Variants in TSPAN33 observed in about 807,000 individuals in gnomAD.
The protein encoded by TSPAN33 is tetraspanin 33, also known as tetraspanin-33.
In TSPAN33, 27 loss-of-function variants were observed where a neutral mutation model predicts 34.8. The ratio of observed to expected loss-of-function variants is 0.78; its 90% CI spans 0.57 to 1.07. TSPAN33 has a LOEUF of 1.07. TSPAN33 is among the 50% of genes least tolerant of loss of function. The probability of loss-of-function intolerance (pLI) is 0.00; values close to 1 mark genes in which losing one functional copy is unlikely to be tolerated. For missense variants in TSPAN33, 272 were observed against 324.9 expected (o/e 0.84, Z 1.25); for synonymous variants, 119 against 124.2 (o/e 0.96, Z 0.28).
chr7:129,164,728 A>G, intron 5 of TSPAN33, 159 bp downstream of exon 5: 1 of 636,380 alleles, frequency 1.6e-6, no homozygotes, highest in Non-Finnish European at 2.8e-6. Flanking sequence ...AGTGCTTTAA[A>G]TGTACTTTTA....
Position 129,167,293 on chromosome 7 carries a change from CT to C in TSPAN33, c.589-105del. 7.4e-7 allele frequency: 1 copy of C among 1,349,914 alleles called. No homozygotes were observed. Among genetic ancestry groups the C allele is most frequent in the South Asian group, 1.4e-5 (1 of 71,818 alleles). 83.6% of individuals were successfully genotyped at this position (1,349,914 alleles called of 1,614,324 possible). ...ACCCAATATCCTCCACATATATTCT[CT>C]GACAATTTAGGAGTTTGGGAAGGGT... On this transcript the variant is annotated intron_variant, in intron 6 of 7. Coordinates refer to ENST00000486685, the MANE Select transcript of TSPAN33 (RefSeq NM_178562.5). This position sits in a 1 kb window ranked among gnomAD's most constrained non-coding sequence, Gnocchi z 4.6.
chr7:129,166,678 G>C, intron 5 of TSPAN33, 100 bp from the exon 6 acceptor site: 1 of 1,474,436 alleles, frequency 6.8e-7, no homozygotes, highest in African/African-American at 1.4e-5. Context: ...AAAGTTCCCA[G>C]TAGAAGCTTG....
At chr7:129,147,569 A>T (rs529337668) in intron 1 of TSPAN33, among the ~76,000 whole-genome samples, 1 of 152,138 alleles carries the variant, frequency 6.6e-6, no homozygotes, top group South Asian at 2.1e-4. Flanking sequence ...ACTGGTTCCC[A>T]TGCTTTCTTT....
intron 1 of TSPAN33, among the ~76,000 whole-genome samples, chr7:129,150,587 A>G (rs1810580144): frequency 6.6e-6 from 1 of 152,212 alleles, no homozygotes; most frequent in African/African-American, 2.4e-5. Context: ...CTCACTAGCC[A>G]TGTGAACTGA....
chr7:129,168,018 C>G lies in TSPAN33; in HGVS notation c.*144C>G, dbSNP rs1793170792. The G allele has an allele frequency of 4.1e-6, 6 of 1,462,568 alleles. No homozygotes were observed. Among genetic ancestry groups the G allele is most frequent in the Non-Finnish European group, 5.4e-6 (6 of 1,109,696 alleles). 90.6% of individuals were successfully genotyped at this position (1,462,568 alleles called of 1,614,324 possible). A position where few individuals can be genotyped will look rare whatever the true frequency, so the allele number is the denominator to read the frequency against. ...TGGGAAGAAGCAAACTCCAGATGGG[C>G]AGAAGGCAGGGTGCACAGGTGGCTC... On this transcript the variant is annotated 3_prime_UTR_variant, in exon 8 of 8. Coordinates refer to ENST00000486685, the MANE Select transcript of TSPAN33 (RefSeq NM_178562.5).
At chr7:129,149,975 C>A (rs1563135630) in intron 1 of TSPAN33, among the ~76,000 whole-genome samples, 1 of 152,208 alleles carries the variant, frequency 6.6e-6, no homozygotes, top group Non-Finnish European at 1.5e-5. Flanking sequence ...TTGGCTTCAT[C>A]CAGATATAAG....
At chr7:129,150,700 C>T (rs910146843) in intron 1 of TSPAN33, among the ~76,000 whole-genome samples, 2 of 152,168 alleles carry the variant, frequency 1.3e-5, no homozygotes, top group African/African-American at 4.8e-5. Flanking sequence ...TTTAGCCCAG[C>T]GCCTGGTCCT....
intron 1 of TSPAN33, among the ~76,000 whole-genome samples, chr7:129,145,999 G>A (rs73723924): frequency 0.091 from 13,765 of 151,794 alleles, 1,238 homozygotes; most frequent in East Asian, 0.27. Context: ...AGAGAGTCCT[G>A]GAGGTCCTGG....
chr7:129,168,144 G>A lies in TSPAN33; in HGVS notation c.*270G>A. The stretch of plus-strand genomic sequence containing the variant: ...TGGGTTTATGTTTTCAGTTTTGTTT[G>A]GGAAACAGCAGTTGCACAGAGAGTT... On this transcript the variant is annotated 3_prime_UTR_variant, in exon 8 of 8. Coordinates refer to ENST00000486685, the MANE Select transcript of TSPAN33 (RefSeq NM_178562.5). The A allele has an allele frequency of 2.0e-6, 1 of 499,342 alleles. No individual in the cohort carries two copies. The highest frequency in any genetic ancestry group is 3.3e-6 in the Non-Finnish European group (1 of 305,174). 30.9% of individuals were successfully genotyped at this position (499,342 alleles called of 1,614,324 possible).
intron 1 of TSPAN33, among the ~76,000 whole-genome samples, 159 bp downstream of exon 1, chr7:129,145,241 G>A (rs1810504068): frequency 6.6e-6 from 1 of 152,034 alleles, no homozygotes; most frequent in South Asian, 2.1e-4. Flanking sequence ...CGGGGACGCC[G>A]CGTCTGCAGG....
At chr7:129,161,060 G>C (rs890605164) in intron 1 of TSPAN33, among the ~76,000 whole-genome samples, 1 of 152,184 alleles carries the variant, frequency 6.6e-6, no homozygotes, top group Non-Finnish European at 1.5e-5. Context: ...TCTGAAGACT[G>C]TGTCCTTTTT....
At position 129,162,648 on chromosome 7, in the gene TSPAN33, A is replaced by C. The variant is rs554401649; in HGVS notation, c.288+127A>C. Reference sequence around the variant, plus strand: ...GCCTGTGCTGTCCACCCCTCAGTGCAGAGCTTAGCCCGGGTGACCCAGCAC... The same window carrying C: ...GCCTGTGCTGTCCACCCCTCAGTGCCGAGCTTAGCCCGGGTGACCCAGCAC... On this transcript the variant is annotated intron_variant, in intron 3 of 7. Coordinates refer to ENST00000486685, the MANE Select transcript of TSPAN33 (RefSeq NM_178562.5). 3 of 1,510,180 alleles carry C rather than the reference A, an allele frequency of 2.0e-6. No homozygotes were observed. The South Asian group carries it at 3.7e-5, about 19-fold the overall frequency. The allele number at this position is 1,510,180 out of a possible 1,614,324, so 93.5% of individuals were successfully genotyped here.
chr7:129,151,496 A>G (rs933900701), intron 1 of TSPAN33, among the ~76,000 whole-genome samples: 2 of 152,118 alleles, frequency 1.3e-5, no homozygotes, highest in Non-Finnish European at 2.9e-5. Flanking sequence ...GCATTTGGGC[A>G]TAAGAGCCAG....
chr7:129,144,946 A>C lies in TSPAN33; in HGVS notation c.-35A>C. The C allele has an allele frequency of 1.9e-6, 1 of 529,880 alleles. No individual in the cohort carries two copies. Among genetic ancestry groups the C allele is most frequent in the Non-Finnish European group, 3.4e-6 (1 of 296,584 alleles). The allele number at this position is 529,880 out of a possible 1,614,324, so 32.8% of individuals were successfully genotyped here. On this transcript the variant is annotated 5_prime_UTR_variant, in exon 1 of 8. Transcript: ENST00000486685. ...ACAGGCCGGCCGGCAGCCGCTGGGA[A>C]ATAGGCCCCCGGGGGCGGTGGCGGC... is the stretch of plus-strand genomic sequence containing the variant.
chr7:129,153,536 C>T (rs987223631), intron 1 of TSPAN33, among the ~76,000 whole-genome samples: 2 of 152,048 alleles, frequency 1.3e-5, no homozygotes, highest in African/African-American at 4.8e-5. Context: ...ATGCATGATC[C>T]TTGATTGGAT....
Position 129,167,736 on chromosome 7 carries a change from C to T in TSPAN33, c.751-37C>T. ...AGCCAGGGAAAACAAGGCCATCACT[C>T]ACTGCTGAGTGCCCAATTCCTTCTT... On this transcript the variant is annotated intron_variant, in intron 7 of 7. Transcript: ENST00000486685. The surrounding 1 kb of genome is among the most constrained non-coding windows in gnomAD (Gnocchi z 4.6). The T allele has an allele frequency of 6.2e-7, 1 of 1,605,510 alleles. No homozygotes were observed.
chr7:129,161,536 G>A (rs1323610492), intron 1 of TSPAN33, 143 bp from the exon 2 acceptor site: 3 of 725,936 alleles, frequency 4.1e-6, no homozygotes, highest in Non-Finnish European at 7.3e-6. Context: ...GATTCTATCA[G>A]CAGAATCACT....
At chr7:129,146,038 C>G (rs1262927547) in intron 1 of TSPAN33, among the ~76,000 whole-genome samples, 7 of 152,058 alleles carry the variant, frequency 4.6e-5, no homozygotes, top group Non-Finnish European at 1.0e-4. Flanking sequence ...CATCCTTCCC[C>G]CATTCACCTC....
intron 4 of TSPAN33, 33 bp from the exon 5 acceptor site, chr7:129,164,441 T>C: frequency 6.3e-7 from 1 of 1,591,610 alleles, no homozygotes; most frequent in Non-Finnish European, 8.6e-7. Flanking sequence ...GGATTAGTCC[T>C]GTGTTCTGAT....
Sources: gnomAD v4.1 joint callset for allele counts (sites outside exome capture counted in the v4.1 genomes callset) on GRCh38, gnomAD v4.1.1 for gene constraint, Gnocchi (gnomAD v3.1) non-coding constraint, MANE v1.5 for transcripts, NCBI Gene and HGNC (gene_info 2026-07-23, HGNC 2026-07-21) for gene names.